Variants in PDE1C observed in about 807,000 individuals in gnomAD.
PDE1C encodes dual specificity calcium/calmodulin-dependent 3',5'-cyclic nucleotide phosphodiesterase 1C.
In PDE1C, 62 loss-of-function variants were observed where a neutral mutation model predicts 93.1. The ratio of observed to expected loss-of-function variants is 0.67; its 90% CI spans 0.54 to 0.82. The LOEUF (loss-of-function observed/expected upper bound fraction) is 0.82, where lower values mean the gene tolerates loss of function less well. Among genes scored for constraint, PDE1C ranks in the 40% least tolerant of loss-of-function variants. The pLI is 0.00. For synonymous variants in PDE1C, 325 were observed against 310.1 expected, an observed-to-expected ratio of 1.05 and a Z score of -0.50; for missense variants, 742 against 884.6, an observed-to-expected ratio of 0.84 and a Z score of 2.04.
chr7:31,937,624 C>T (rs1004221387), intron 2 of PDE1C, among the ~76,000 whole-genome samples: 3 of 151,960 alleles, frequency 2.0e-5, no homozygotes, highest in Non-Finnish European at 2.9e-5. Context: ...TACAGTTCCA[C>T]GAATGAAGGA....
chr7:31,704,081 G>A, the PDE1C span, among the ~76,000 whole-genome samples: 1 of 152,188 alleles, frequency 6.6e-6, no homozygotes, highest in African/African-American at 2.4e-5. Flanking sequence ...GGAATAATGA[G>A]GCTGGAAGCA....
chr7:32,175,382 C>T (rs1802917231), intron 2 of PDE1C, among the ~76,000 whole-genome samples: 1 of 152,118 alleles, frequency 6.6e-6, no homozygotes, highest in African/African-American at 2.4e-5. Flanking sequence ...TCTAAAAACA[C>T]AATATACATA....
chr7:32,242,879 T>C (rs912634243), intron 1 of PDE1C, among the ~76,000 whole-genome samples: 2 of 152,098 alleles, frequency 1.3e-5, no homozygotes, highest in Admixed American at 1.3e-4. Context: ...ACACAAGGGA[T>C]TTTGTCTATG....
intron 17 of PDE1C, among the ~76,000 whole-genome samples, chr7:31,768,380 G>A (rs1196047990): frequency 6.6e-6 from 1 of 152,204 alleles, no homozygotes; most frequent in African/African-American, 2.4e-5. Flanking sequence ...TAATATCTGT[G>A]TCAGTGTATG....
chr7:32,299,429 T>C, upstream of PDE1C: 1 of 985,456 alleles, frequency 1.0e-6, no homozygotes. Context: ...AGGAAGGTAA[T>C]TGTCAAAGTC....
At chr7:31,963,370 G>T (rs1052646396) in intron 2 of PDE1C, among the ~76,000 whole-genome samples, 1 of 152,130 alleles carries the variant, frequency 6.6e-6, no homozygotes, top group Admixed American at 6.5e-5. Flanking sequence ...ATTTAGGGAT[G>T]AAATGATTTT....
chr7:31,775,547 T>G (rs1387740303), intron 17 of PDE1C, 117 bp downstream of exon 17: 3 of 782,480 alleles, frequency 3.8e-6, no homozygotes, highest in Non-Finnish European at 6.4e-6. Flanking sequence ...TCTGATAACG[T>G]GAGTAGACTG....
At chr7:31,635,619 C>A in the PDE1C span, among the ~76,000 whole-genome samples, 2 of 152,018 alleles carry the variant, frequency 1.3e-5, no homozygotes, top group Admixed American at 6.6e-5. Flanking sequence ...TTTTAGGGAC[C>A]CTTTGTAGTT....
At chr7:32,065,491 C>T (rs1039429488) in intron 1 of PDE1C, among the ~76,000 whole-genome samples, 5 of 152,172 alleles carry the variant, frequency 3.3e-5, no homozygotes, top group Non-Finnish European at 5.9e-5. Context: ...CCTTCGCATC[C>T]CCCTGGAACT....
At chr7:32,059,729 AGCTAAAAGCCTTTT>A (rs1207987551) in intron 1 of PDE1C, among the ~76,000 whole-genome samples, 1 of 152,166 alleles carries the variant, frequency 6.6e-6, no homozygotes. Context: ...CTTTCCTTCT[AGCTAAAAGCCTTTT>A]GCTCAAAGCT....
intron 2 of PDE1C, among the ~76,000 whole-genome samples, chr7:31,911,426 T>C (rs1042412161): frequency 5.9e-5 from 9 of 152,128 alleles, no homozygotes; most frequent in African/African-American, 2.2e-4. Context: ...TGAAGTAACC[T>C]CTGAGCTTTT....
intron 2 of PDE1C, among the ~76,000 whole-genome samples, chr7:32,209,027 C>A (rs568715819): frequency 1.3e-5 from 2 of 152,320 alleles, no homozygotes; most frequent in South Asian, 4.2e-4. Context: ...AAGCATTTCA[C>A]GTACCTCTCC....
chr7:32,147,308 G>GAAAGAAAGAAAGAAAGAAAGAAA (rs1800945981), intron 3 of PDE1C, among the ~76,000 whole-genome samples: 10 of 146,184 alleles, frequency 6.8e-5, no homozygotes, highest in African/African-American at 1.4e-4. Context: ...AAGAAAGAAA[G>GAAAGAAAGAAAGAAAGAAAGAAA]AAAGAAAGAA....
intron 2 of PDE1C, among the ~76,000 whole-genome samples, chr7:31,881,451 C>T (rs572640846): frequency 1.1e-4 from 17 of 152,146 alleles, no homozygotes; most frequent in Middle Eastern, 3.4e-3. Flanking sequence ...GATTTTAAAC[C>T]GAGGAATTCC....
intron 1 of PDE1C, among the ~76,000 whole-genome samples, chr7:32,286,036 G>A (rs1022141320): frequency 2.0e-5 from 3 of 152,160 alleles, no homozygotes; most frequent in Non-Finnish European, 2.9e-5. Flanking sequence ...TACTTGCAGG[G>A]AGGTCAGTAG....
At chr7:32,028,446 GAA>G (rs1293710547) in intron 2 of PDE1C, among the ~76,000 whole-genome samples, 2 of 152,132 alleles carry the variant, frequency 1.3e-5, no homozygotes, top group Non-Finnish European at 2.9e-5. Flanking sequence ...CAAACCATAA[GAA>G]AGATTAAGCT....
chr7:32,044,777 T>C (rs757460474), intron 2 of PDE1C, among the ~76,000 whole-genome samples: 58 of 152,090 alleles, frequency 3.8e-4, no homozygotes, highest in Non-Finnish European at 7.2e-4. Flanking sequence ...GAAGTTTTGA[T>C]CCTGGATAAA....
chr7:32,229,747 G>A (rs924117659), intron 1 of PDE1C, among the ~76,000 whole-genome samples: 13 of 152,246 alleles, frequency 8.5e-5, no homozygotes, highest in Admixed American at 3.9e-4. Context: ...CACAGCTGGA[G>A]GTGGCACAGC....
At chr7:32,047,363 A>G (rs1326824064) in intron 2 of PDE1C, among the ~76,000 whole-genome samples, 1 of 152,150 alleles carries the variant, frequency 6.6e-6, no homozygotes, top group East Asian at 1.9e-4. Context: ...ATTGACCCTC[A>G]TGAACAAGAT....
Sources: gnomAD v4.1 joint callset for allele counts (sites outside exome capture counted in the v4.1 genomes callset) on GRCh38, gnomAD v4.1.1 for gene constraint, MANE v1.5 for transcripts, NCBI Gene and HGNC (gene_info 2026-07-23, HGNC 2026-07-21) for gene names.